Variants in KIF13B observed in about 807,000 individuals in gnomAD.
KIF13B encodes kinesin family member 13B, also known as kinesin-like protein KIF13B.
In KIF13B, 127 loss-of-function variants were observed where a neutral mutation model predicts 222.0. The ratio of observed to expected loss-of-function variants is 0.57; its 90% confidence interval spans 0.50 to 0.66. The LOEUF (loss-of-function observed/expected upper bound fraction) is 0.66. Among genes scored for constraint, KIF13B ranks in the 30% least tolerant of loss-of-function variants. The pLI is 0.00. For missense variants in KIF13B, 2,173 were observed against 2,379.0 expected (o/e 0.91, Z 1.80); for synonymous variants, 976 against 919.0 (o/e 1.06, Z -1.12).
At chr8:29,245,064 T>A (rs1815961181) in intron 2 of KIF13B, among the ~76,000 whole-genome samples, 1 of 152,224 alleles carries the variant, frequency 6.6e-6, no homozygotes, top group African/African-American at 2.4e-5. Context: ...TCCAGCCAGC[T>A]GCACCTCCTT....
intron 2 of KIF13B, among the ~76,000 whole-genome samples, chr8:29,208,743 A>C (rs935995551): frequency 6.6e-6 from 1 of 151,992 alleles, no homozygotes; most frequent in South Asian, 2.1e-4. Context: ...TAGCTTCCTT[A>C]TTTTTTGCCC....
intron 6 of KIF13B, among the ~76,000 whole-genome samples, chr8:29,184,356 A>G (rs1269587603): frequency 6.6e-6 from 1 of 152,056 alleles, no homozygotes; most frequent in Non-Finnish European, 1.5e-5. Flanking sequence ...TTCACTGGGG[A>G]GATAGCAGCA....
intron 36 of KIF13B, among the ~76,000 whole-genome samples, chr8:29,097,663 T>C (rs1325528005): frequency 6.6e-6 from 1 of 152,088 alleles, no homozygotes; most frequent in Non-Finnish European, 1.5e-5. Flanking sequence ...TTTAAAATAC[T>C]CTGAATAGAA....
At chr8:29,082,659 AT>A (rs1362354052) in intron 37 of KIF13B, among the ~76,000 whole-genome samples, 1 of 151,956 alleles carries the variant, frequency 6.6e-6, no homozygotes, top group Non-Finnish European at 1.5e-5. Flanking sequence ...TTAAAAAAAA[AT>A]AAAACTTCTA....
At chr8:29,122,965 C>T (rs867534413) in intron 28 of KIF13B, among the ~76,000 whole-genome samples, 1 of 152,172 alleles carries the variant, frequency 6.6e-6, no homozygotes, top group Non-Finnish European at 1.5e-5. Flanking sequence ...ATTTCTATAA[C>T]GTAGCACAGA....
At position 29,155,781 on chromosome 8, in the gene KIF13B, T is replaced by C; in HGVS notation, c.1480A>G (p.Ile494Val). The change falls in exon 14 of 40, where the codon ATT becomes GTT. Residue 494 changes from isoleucine (I) to valine (V), a missense_variant. Transcript: ENST00000524189. Reference sequence around the variant, plus strand: ...TGGCCTTCTGACGTGATGTCTATAATACAGTGTTCAGGAAGAATTCCCATG... The same window carrying C: ...TGGCCTTCTGACGTGATGTCTATAACACAGTGTTCAGGAAGAATTCCCATG... ...CGMGILPEHC[I>V]IDITSEGQVM... 1 of 1,600,960 alleles carries C rather than the reference T, an allele frequency of 6.2e-7. No individual in the cohort carries two copies.
rs75251959 is a variant in KIF13B at position 29,142,493 on chromosome 8, A to G, written c.2188-190T>C. Among the ~76,000 whole-genome samples, 346 of 152,318 alleles carry G rather than the reference A, an allele frequency of 2.3e-3. 1 individual carries two copies. Among genetic ancestry groups the G allele is most frequent in the Non-Finnish European group, 4.0e-3 (270 of 68,022 alleles). On this transcript the variant is annotated intron_variant, in intron 18 of 39. Transcript: ENST00000524189. ...CATAATACCTTCCTACCCAAGTGCA[A>G]TCAAAACCTATTTATAAACTTCACT...
intron 14 of KIF13B, among the ~76,000 whole-genome samples, chr8:29,155,030 A>G (rs1392996491): frequency 6.6e-6 from 1 of 152,186 alleles, no homozygotes; most frequent in Non-Finnish European, 1.5e-5. Context: ...ACAGGGGATA[A>G]CAGCTCTATA....
At chr8:29,116,029 G>GT (rs1323176854) in intron 31 of KIF13B, among the ~76,000 whole-genome samples, 1 of 152,172 alleles carries the variant, frequency 6.6e-6, no homozygotes, top group Non-Finnish European at 1.5e-5. Flanking sequence ...TGCCTGTTAC[G>GT]TATCTACCTA....
chr8:29,177,584 A>G lies in KIF13B; in HGVS notation c.721-6T>C. 1 of 1,585,626 alleles carries G rather than the reference A, an allele frequency of 6.3e-7. No individual in the cohort carries two copies. Among genetic ancestry groups the G allele is most frequent in the Non-Finnish European group, 8.7e-7 (1 of 1,154,042 alleles). Reference sequence around the variant, plus strand: ...CCCACTTTCTCTCCAGATGTCTACAAAGGAAATCAATCAATACTAATCAAC... The same window carrying G: ...CCCACTTTCTCTCCAGATGTCTACAGAGGAAATCAATCAATACTAATCAAC... On this transcript the variant is annotated splice_polypyrimidine_tract_variant and splice_region_variant and intron_variant, in intron 8 of 39. Transcript: ENST00000524189.
chr8:29,232,786 T>C (rs1815343248), intron 2 of KIF13B, among the ~76,000 whole-genome samples: 1 of 152,178 alleles, frequency 6.6e-6, no homozygotes, highest in African/African-American at 2.4e-5. Context: ...GTCCTCTTAA[T>C]ATCCTGGTAG....
intron 2 of KIF13B, among the ~76,000 whole-genome samples, chr8:29,221,392 C>T (rs1036898405): frequency 2.7e-5 from 4 of 150,780 alleles, no homozygotes; most frequent in African/African-American, 9.8e-5. Context: ...CATGAGCCAC[C>T]GCACCCGACC....
At chr8:29,194,342 C>T (rs117700568) in intron 3 of KIF13B, among the ~76,000 whole-genome samples, 187 of 149,814 alleles carry the variant, frequency 1.2e-3, no homozygotes, top group Non-Finnish European at 2.4e-3. Flanking sequence ...TTAACAGTGA[C>T]ATTTCTTATT....
intron 2 of KIF13B, among the ~76,000 whole-genome samples, chr8:29,215,102 T>C (rs1206725982): frequency 6.6e-6 from 1 of 152,146 alleles, no homozygotes; most frequent in African/African-American, 2.4e-5. Context: ...TGAGTTGCAT[T>C]ATGTTTGTTT....
At chr8:29,243,500 A>G (rs1236008011) in intron 2 of KIF13B, among the ~76,000 whole-genome samples, 2 of 152,006 alleles carry the variant, frequency 1.3e-5, no homozygotes, top group African/African-American at 4.8e-5. Context: ...CTACTAAAAT[A>G]CAAAAATTAG....
In KIF13B at chr8:29,254,325, CTTCATCAAAATTTAAAACTTTCA is replaced by C. The variant is rs539129121; in HGVS notation, c.55+8632_55+8654del. Among the ~76,000 whole-genome samples the C allele has an allele frequency of 2.7e-3, 414 of 152,206 alleles. 1 individual carries two copies. Among genetic ancestry groups the C allele is most frequent in the African/African-American group, 9.6e-3 (400 of 41,514 alleles). On this transcript the variant is annotated intron_variant, in intron 1 of 39. Coordinates refer to ENST00000524189, the MANE Select transcript of KIF13B (RefSeq NM_015254.4). ...CACAAGCAACTAAAAATAAACTGGACTTCATCAAAATTTAAAACTTTCATGCATCAAAGGACACAAGGGAGTGA... is the reference window on the plus strand; with the variant it reads ...CACAAGCAACTAAAAATAAACTGGACTGCATCAAAGGACACAAGGGAGTGA...
At chr8:29,089,885 CAAA>C (rs11307766) in intron 37 of KIF13B, among the ~76,000 whole-genome samples, 27 of 118,106 alleles carry the variant, frequency 2.3e-4, no homozygotes, top group East Asian at 2.5e-4. Context: ...GACTCTGTCT[CAAA>C]AAAAAAAAAA....
chr8:29,259,005 CT>C (rs1185930666), intron 1 of KIF13B, among the ~76,000 whole-genome samples: 1 of 152,176 alleles, frequency 6.6e-6, no homozygotes, highest in Admixed American at 6.5e-5. Flanking sequence ...ATCAATTTCA[CT>C]TTTTCATGTT....
chr8:29,087,249 C>T (rs1221175082), intron 37 of KIF13B, among the ~76,000 whole-genome samples: 1 of 152,242 alleles, frequency 6.6e-6, no homozygotes, highest in Admixed American at 6.5e-5. Context: ...TGGTCTGTCA[C>T]TCTGCGGCTT....
Sources: gnomAD v4.1 joint callset for allele counts (sites outside exome capture counted in the v4.1 genomes callset) on GRCh38, gnomAD v4.1.1 for gene constraint, MANE v1.5 for transcripts, NCBI Gene and HGNC (gene_info 2026-07-23, HGNC 2026-07-21) for gene names.